BRD4: variants seen among roughly 807,000 people sequenced by gnomAD.
BRD4 encodes the protein bromodomain containing 4.
In BRD4, 16 loss-of-function variants were observed where a neutral mutation model predicts 142.1. The observed-to-expected ratio is 0.11, with a 90% CI of 0.08 to 0.17. The LOEUF (loss-of-function observed/expected upper bound fraction) is 0.17, where lower values mean the gene tolerates loss of function less well. BRD4 is among the 10% of genes least tolerant of loss of function. The pLI, the probability that BRD4 is intolerant of heterozygous loss-of-function variation, is 1.00. For missense variants in BRD4, 1,424 were observed against 1,810.9 expected (o/e 0.79, Z 3.88); for synonymous variants, 833 against 707.5 (o/e 1.18, Z -2.82).
chr19:15,249,414 G>A (rs1237511246), intron 11 of BRD4: 2 of 1,534,928 alleles, frequency 1.3e-6, no homozygotes, highest in African/African-American at 1.4e-5. Context: ...ATGGGCACAA[G>A]AACGGCACTG....
intron 1 of BRD4, among the ~76,000 whole-genome samples, chr19:15,301,522 C>A (rs1472579222): frequency 6.7e-6 from 1 of 148,560 alleles, no homozygotes; most frequent in Non-Finnish European, 1.5e-5. Context: ...GATCGCACCA[C>A]ACTGCACTCC....
intron 5 of BRD4, among the ~76,000 whole-genome samples, 162 bp from the exon 6 acceptor site, chr19:15,264,928 G>A (rs1342184441): frequency 6.6e-6 from 1 of 152,218 alleles, no homozygotes; most frequent in Admixed American, 6.5e-5. Flanking sequence ...CAGGCAGATC[G>A]TGTCCCACCA....
intron 1 of BRD4, among the ~76,000 whole-genome samples, chr19:15,306,167 C>G (rs150774482): frequency 6.6e-6 from 1 of 152,366 alleles, no homozygotes; most frequent in East Asian, 1.9e-4. Flanking sequence ...CTCAGGCATT[C>G]ACTGGAGTCA....
chr19:15,272,365 G>A (rs148176778), intron 2 of BRD4, among the ~76,000 whole-genome samples: 2 of 152,320 alleles, frequency 1.3e-5, no homozygotes, highest in African/African-American at 2.4e-5. Flanking sequence ...TGCTCCGGGT[G>A]ACAGTGACGA....
At chr19:15,284,557 C>T (rs527275504) in intron 1 of BRD4, among the ~76,000 whole-genome samples, 2 of 152,292 alleles carry the variant, frequency 1.3e-5, no homozygotes, top group South Asian at 4.1e-4. Flanking sequence ...CCAAGGGGTC[C>T]CCACCTTCCA....
intron 1 of BRD4, among the ~76,000 whole-genome samples, chr19:15,284,050 A>G (rs1258757859): frequency 1.3e-5 from 2 of 152,194 alleles, no homozygotes; most frequent in African/African-American, 4.8e-5. Context: ...GAGGTATCAA[A>G]GCCTGGGTAT....
chr19:15,249,970 G>A (rs1330119603), intron 11 of BRD4, among the ~76,000 whole-genome samples: 1 of 152,204 alleles, frequency 6.6e-6, no homozygotes, highest in Non-Finnish European at 1.5e-5. Context: ...ATAAAGTCTT[G>A]TCCTTTCTTT....
chr19:15,302,251 G>A (rs539115613), intron 1 of BRD4, among the ~76,000 whole-genome samples: 5 of 152,238 alleles, frequency 3.3e-5, no homozygotes, highest in South Asian at 2.1e-4. Context: ...ACCCCCTTTA[G>A]ACCTGGTACA....
rs750708166 is a variant in BRD4, at chr19:15,243,477, G to A, written c.2592C>T (p.Asn864=). The A allele has an allele frequency of 8.9e-6, 14 of 1,566,362 alleles. No homozygotes were observed. The highest frequency in any genetic ancestry group is 7.2e-5 in the South Asian group (6 of 82,978). The part of the protein sequence containing the change: ...HAVVSPPALH[N]ALPQQPSRPS... ...GCCGTGATGGCTGCTGGGGTAGTGCGTTGTGCAAAGCTGGAAGAACACAAC... is the reference window on the plus strand; with the variant it reads ...GCCGTGATGGCTGCTGGGGTAGTGCATTGTGCAAAGCTGGAAGAACACAAC... Residue 864 remains asparagine, a synonymous_variant, in exon 14 of 20, where the codon AAC becomes AAT. Coordinates refer to ENST00000679869, the MANE Select transcript of BRD4 (RefSeq NM_001379291.1).
At chr19:15,244,953 C>G in intron 11 of BRD4, 191 bp from the exon 12 acceptor site, 3 of 998,100 alleles carry the variant, frequency 3.0e-6, no homozygotes, top group Non-Finnish European at 2.9e-6. Flanking sequence ...CATCACCTAC[C>G]CACTTGCCTG....
intron 1 of BRD4, among the ~76,000 whole-genome samples, chr19:15,294,322 A>G (rs2047806643): frequency 6.6e-6 from 1 of 152,260 alleles, no homozygotes; most frequent in African/African-American, 2.4e-5. Context: ...TGCTCTGGAC[A>G]CATCTGGACG....
At chr19:15,285,676 C>T (rs577280922) in intron 1 of BRD4, among the ~76,000 whole-genome samples, 1 of 152,188 alleles carries the variant, frequency 6.6e-6, no homozygotes, top group South Asian at 2.1e-4. Context: ...AGTGCACATC[C>T]CTGAGTAGAA....
In BRD4 at chr19:15,265,457, G is replaced by A. The variant is rs536634033; in HGVS notation, c.746C>T (p.Thr249Met). The A allele has an allele frequency of 5.7e-5, 90 of 1,585,076 alleles. No individual in the cohort carries two copies. Among genetic ancestry groups the A allele is most frequent in the South Asian group, 9.2e-5 (8 of 86,542 alleles). Residue 249 changes from threonine to methionine, a missense_variant, in exon 5 of 20, where the codon ACG becomes ATG. Around this residue, in one of 16 missense-constraint regions of BRD4, gnomAD observed 140 missense variants for 131.7 expected, o/e 1.06. Coordinates refer to ENST00000679869, the MANE Select transcript of BRD4 (RefSeq NM_001379291.1). ...TGGCTGGGGGGGCACTGGCGGGGGC[G>A]TCTGCAGTGGCTGGGGAGGCACCAC... is the stretch of plus-strand genomic sequence containing the variant. ...MTVVPPQPLQ[T>M]PPPVPPQPQP...
chr19:15,326,369 A>T (rs2048108388), intron 1 of BRD4, among the ~76,000 whole-genome samples: 1 of 152,046 alleles, frequency 6.6e-6, no homozygotes, highest in Non-Finnish European at 1.5e-5. Flanking sequence ...TGGGAGGCTG[A>T]GGCACAAGAA....
intron 1 of BRD4, among the ~76,000 whole-genome samples, chr19:15,331,015 G>A (rs1036162732): frequency 3.3e-5 from 5 of 152,088 alleles, no homozygotes; most frequent in East Asian, 1.9e-4. Context: ...CCCTGTCGAA[G>A]GTAAGCAAAG....
intron 1 of BRD4, among the ~76,000 whole-genome samples, chr19:15,302,684 A>G (rs2047880071): frequency 6.7e-6 from 1 of 150,130 alleles, no homozygotes; most frequent in Non-Finnish European, 1.5e-5. Flanking sequence ...AAAAAAAAAA[A>G]AAAAAAAAAA....
At chr19:15,315,674 T>C (rs997780641) in intron 1 of BRD4, among the ~76,000 whole-genome samples, 1 of 151,986 alleles carries the variant, frequency 6.6e-6, no homozygotes, top group African/African-American at 2.4e-5. Flanking sequence ...GAAAATATAG[T>C]GAAGCCTCAT....
At chr19:15,264,193 T>A (rs1293185634) in intron 6 of BRD4, 1 of 603,910 alleles carries the variant, frequency 1.7e-6, no homozygotes, top group Non-Finnish European at 2.8e-6. Context: ...AGCACAGGCA[T>A]CTGTAGCCAC....
chr19:15,268,040 T>C (rs896244777), intron 3 of BRD4: 5 of 154,574 alleles, frequency 3.2e-5, no homozygotes, highest in African/African-American at 1.2e-4. Flanking sequence ...ACCTCATCTA[T>C]AACATGCTGT....
Sources: allele counts gnomAD v4.1 joint callset (sites outside exome capture counted in the v4.1 genomes callset), GRCh38; gene constraint gnomAD v4.1.1; regional missense constraint gnomAD v4.1.1; transcripts MANE v1.5; gene names NCBI Gene and HGNC (gene_info 2026-07-23, HGNC 2026-07-21).